The following NLRP5 variants were observed in gnomAD, a reference collection of about 807,000 sequenced individuals.
NLRP5 encodes the protein NLR family pyrin domain containing 5.
NLRP5 carries 93 observed loss-of-function variants against 113.1 expected under a neutral mutation model. That is an observed-to-expected ratio of 0.82 (90% CI 0.70 to 0.98). The LOEUF (loss-of-function observed/expected upper bound fraction) is 0.98. Among genes scored for constraint, NLRP5 ranks in the 50% least tolerant of loss-of-function variants. The probability of loss-of-function intolerance (pLI) is 0.00; values close to 1 mark genes in which losing one functional copy is unlikely to be tolerated. For synonymous variants in NLRP5, 751 were observed against 600.7 expected, an observed-to-expected ratio of 1.25 and a Z score of -3.66; for missense variants, 1,808 against 1,514.3, an observed-to-expected ratio of 1.19 and a Z score of -3.22.
chr19:56,023,551 C>T (rs573780453), intron 6 of NLRP5, among the ~76,000 whole-genome samples: 12 of 152,210 alleles, frequency 7.9e-5, no homozygotes, highest in East Asian at 1.9e-4. Context: ...CAAATTGAAG[C>T]GATGTGTAGA....
chr19:56,043,615 C>G (rs551790151), intron 11 of NLRP5, among the ~76,000 whole-genome samples: 9 of 121,164 alleles, frequency 7.4e-5, no homozygotes, highest in Admixed American at 3.1e-4. Context: ...GCCCAGGCTG[C>G]AGTGCAGTGG....
chr19:56,032,837 T>A, intron 8 of NLRP5, 56 bp downstream of exon 8: 2 of 1,510,234 alleles, frequency 1.3e-6, no homozygotes, highest in Non-Finnish European at 1.8e-6. Context: ...ATCCCAGCTC[T>A]CCCCTACCTC....
chr19:56,023,687 C>T lies in NLRP5; in HGVS notation c.680-3226C>T, dbSNP rs75131486. ...AGCAGCCTAGAGATGACTTAAACTA[C>T]ATGGGAGGATGTGCGTAGGTTATAT... On this transcript the variant is annotated intron_variant, in intron 6 of 14. Transcript: ENST00000390649. 4.1e-3 allele frequency among the ~76,000 whole-genome samples: 625 copies of T among 152,260 alleles called. 3 individuals are homozygous for T. Among genetic ancestry groups the T allele is most frequent in the African/African-American group, 0.014 (597 of 41,550 alleles).
intron 2 of NLRP5, 49 bp from the exon 3 acceptor site, chr19:56,008,739 A>G: frequency 1.3e-6 from 2 of 1,516,244 alleles, no homozygotes; most frequent in Non-Finnish European, 1.8e-6. Context: ...GGCTTGGGTA[A>G]TTACAGTGAC....
chr19:56,024,832 G>A (rs1182433096), intron 6 of NLRP5, among the ~76,000 whole-genome samples: 1 of 152,044 alleles, frequency 6.6e-6, no homozygotes, highest in African/African-American at 2.4e-5. Context: ...CTCTACAGCA[G>A]GGGTCCCCAA....
At chr19:56,021,027 A>G (rs934948124) in intron 6 of NLRP5, among the ~76,000 whole-genome samples, 7 of 151,932 alleles carry the variant, frequency 4.6e-5, no homozygotes, top group East Asian at 1.9e-4. Flanking sequence ...GCCTGCCACC[A>G]TGCCCGACTA....
rs565257830 is a variant in NLRP5, at chr19:56,011,115, T to C, written c.508+2262T>C. On this transcript the variant is annotated intron_variant, in intron 3 of 14. Transcript: ENST00000390649. ...CTGCATTGAGCCATGATTGTGTCAC[T>C]GCACTTCAGCCTGGGTGATAAAATG... Among the ~76,000 whole-genome samples the C allele has an allele frequency of 1.0e-3, 158 of 152,160 alleles. 1 individual carries two copies. The highest frequency in any genetic ancestry group is 3.7e-3 in the African/African-American group (155 of 41,512).
At chr19:56,047,704 T>C (rs952140599) in intron 11 of NLRP5, among the ~76,000 whole-genome samples, 19 of 152,210 alleles carry the variant, frequency 1.2e-4, no homozygotes, top group Non-Finnish European at 2.8e-4. Context: ...ATTCTGCAGT[T>C]GTTGGATGAA....
chr19:55,989,670 C>T, the NLRP5 span, among the ~76,000 whole-genome samples: 6 of 152,138 alleles, frequency 3.9e-5, no homozygotes, highest in East Asian at 5.8e-4. Flanking sequence ...AGACATTCTG[C>T]GCACGTGTAT....
chr19:56,043,733 C>A (rs140626747), intron 11 of NLRP5, among the ~76,000 whole-genome samples: 3 of 151,386 alleles, frequency 2.0e-5, no homozygotes, highest in African/African-American at 7.3e-5. Context: ...CCACCACACC[C>A]GGCTAATTTT....
rs188611062 is a variant in NLRP5 at position 56,017,477 on chromosome 19, T to A, written c.565+1679T>A. Among the ~76,000 whole-genome samples the A allele has an allele frequency of 1.3e-4, 20 of 152,338 alleles. No individual in the cohort carries two copies. The East Asian group carries it at 3.9e-3, about 29-fold the overall frequency. On this transcript the variant is annotated intron_variant, in intron 4 of 14. Transcript: ENST00000390649. ...ACGCTGTAAATATTGCTGTGTTTTG[T>A]TTCCACTCATTTCAAAGTATTTAAT...
At chr19:56,037,424 A>G (rs28585412) in intron 9 of NLRP5, among the ~76,000 whole-genome samples, 182 of 152,232 alleles carry the variant, frequency 1.2e-3, no homozygotes, top group African/African-American at 3.6e-3. Context: ...GGCCGGGCAC[A>G]GTGGCTCATG....
the NLRP5 span, among the ~76,000 whole-genome samples, chr19:55,987,073 A>G: frequency 6.6e-6 from 1 of 152,190 alleles, no homozygotes; most frequent in South Asian, 2.1e-4. Context: ...TTCGGTCTAA[A>G]ATACTGTACA....
chr19:56,030,921 C>T (rs1177187562), intron 7 of NLRP5, among the ~76,000 whole-genome samples: 6 of 151,700 alleles, frequency 4.0e-5, no homozygotes, highest in Non-Finnish European at 7.4e-5. Context: ...ACCATATTGG[C>T]CAGGCTGGTC....
chr19:55,996,564 C>T (rs2123254086), upstream of NLRP5, among the ~76,000 whole-genome samples: 1 of 152,234 alleles, frequency 6.6e-6, no homozygotes. Context: ...TCAGTTCCCA[C>T]CTATGAGTGA....
chr19:56,036,058 C>CTGTTTTTTTTTTTTTTTTTT (rs1983299929), intron 9 of NLRP5, among the ~76,000 whole-genome samples: 1 of 77,018 alleles, frequency 1.3e-5, no homozygotes, highest in African/African-American at 5.7e-5. Flanking sequence ...AATTGAGATT[C>CTGTTTTTTTTTTTTTTTTTT]TTTTTTTTTT....
At chr19:56,036,356 T>C (rs1157596517) in intron 9 of NLRP5, among the ~76,000 whole-genome samples, 2 of 151,404 alleles carry the variant, frequency 1.3e-5, no homozygotes, top group Non-Finnish European at 2.9e-5. Context: ...CTTGAGCCAC[T>C]GCGCCTGGCT....
At chr19:56,057,304 C>T (rs1984192651) in intron 13 of NLRP5, among the ~76,000 whole-genome samples, 1 of 152,168 alleles carries the variant, frequency 6.6e-6, no homozygotes, top group South Asian at 2.1e-4. Context: ...GTGCTCCCTT[C>T]AAAATAGAAC....
chr19:55,997,026 T>C (rs944256851), upstream of NLRP5, among the ~76,000 whole-genome samples: 4 of 152,192 alleles, frequency 2.6e-5, no homozygotes, highest in Non-Finnish European at 5.9e-5. Flanking sequence ...ATGATCACCA[T>C]TCTAACTGGT....
Sources: gnomAD v4.1 joint callset for allele counts (sites outside exome capture counted in the v4.1 genomes callset) on GRCh38, gnomAD v4.1.1 for gene constraint, MANE v1.5 for transcripts, NCBI Gene and HGNC (gene_info 2026-07-23, HGNC 2026-07-21) for gene names.